TIAM1: variants seen among roughly 807,000 people sequenced by gnomAD.
TIAM1 encodes the protein TIAM Rac1 associated GEF 1, also known as rho guanine nucleotide exchange factor TIAM1.
TIAM1 carries 65 observed loss-of-function variants against 163.5 expected under a neutral mutation model. That is an observed-to-expected ratio of 0.40 (90% CI 0.33 to 0.49). The LOEUF (loss-of-function observed/expected upper bound fraction) is 0.49, where lower values mean the gene tolerates loss of function less well. TIAM1 is among the 20% of genes least tolerant of loss of function. The pLI, the probability that TIAM1 is intolerant of heterozygous loss-of-function variation, is 0.77. For missense variants in TIAM1, 1,789 were observed against 2,044.7 expected, an observed-to-expected ratio of 0.87 and a Z score of 2.41; for synonymous variants, 833 against 810.1, an observed-to-expected ratio of 1.03 and a Z score of -0.48.
intron 2 of TIAM1, among the ~76,000 whole-genome samples, chr21:31,335,348 A>G (rs1405229191): frequency 1.3e-5 from 2 of 152,182 alleles, no homozygotes; most frequent in Non-Finnish European, 2.9e-5. Context: ...TTCAGACAAT[A>G]ATGACTTCAA....
chr21:31,426,517 A>G (rs555252553), intron 2 of TIAM1, among the ~76,000 whole-genome samples: 23 of 152,304 alleles, frequency 1.5e-4, no homozygotes, highest in African/African-American at 5.3e-4. Context: ...AAAGAAACCA[A>G]CTGTGGTCTG....
At chr21:31,248,246 T>C (rs1222651705) in intron 5 of TIAM1, among the ~76,000 whole-genome samples, 1 of 152,178 alleles carries the variant, frequency 6.6e-6, no homozygotes, top group African/African-American at 2.4e-5. Context: ...CTGTGGATAA[T>C]GAATTAGGGG....
intron 1 of TIAM1, among the ~76,000 whole-genome samples, chr21:31,542,721 C>T (rs1056435091): frequency 6.6e-6 from 1 of 152,176 alleles, no homozygotes; most frequent in South Asian, 2.1e-4. Flanking sequence ...AATCCCAGCA[C>T]TTTGGGAGAC....
At chr21:31,260,828 T>C (rs543612017) in intron 4 of TIAM1, among the ~76,000 whole-genome samples, 70 of 152,232 alleles carry the variant, frequency 4.6e-4, no homozygotes, top group African/African-American at 1.6e-3. Context: ...AAGAAGCCTC[T>C]AGATGGACTT....
At chr21:31,417,290 G>C (rs1433407811) in intron 2 of TIAM1, among the ~76,000 whole-genome samples, 3 of 152,160 alleles carry the variant, frequency 2.0e-5, no homozygotes, top group Admixed American at 2.0e-4. Flanking sequence ...CCAAAGTGCT[G>C]GGATTACAGT....
chr21:31,499,452 G>T (rs2046775850), intron 1 of TIAM1, among the ~76,000 whole-genome samples: 1 of 151,946 alleles, frequency 6.6e-6, no homozygotes, highest in Non-Finnish European at 1.5e-5. Flanking sequence ...GGGGCATGAG[G>T]ATCACTTGAG....
chr21:31,282,380 C>G (rs77479430), intron 2 of TIAM1, among the ~76,000 whole-genome samples: 1 of 152,164 alleles, frequency 6.6e-6, no homozygotes, highest in East Asian at 1.9e-4. Flanking sequence ...GTCTTGAAGA[C>G]GCAGGATACT....
At chr21:31,509,086 T>C (rs971194183) in intron 1 of TIAM1, among the ~76,000 whole-genome samples, 2 of 151,730 alleles carry the variant, frequency 1.3e-5, no homozygotes, top group Non-Finnish European at 1.5e-5. Flanking sequence ...TGATTTTCCA[T>C]GAGATCTATG....
At chr21:31,145,933 T>A (rs2083086178) in intron 20 of TIAM1, among the ~76,000 whole-genome samples, 1 of 152,184 alleles carries the variant, frequency 6.6e-6, no homozygotes, top group South Asian at 2.1e-4. Flanking sequence ...CTGCTGTACA[T>A]CGTGTCACTT....
chr21:31,366,044 T>C (rs1056015486), intron 2 of TIAM1, among the ~76,000 whole-genome samples: 21 of 122,474 alleles, frequency 1.7e-4, no homozygotes, highest in African/African-American at 6.5e-4. Context: ...CCGAGGTAGC[T>C]CCACTGCACT....
chr21:31,537,044 G>A (rs759304611), intron 1 of TIAM1, among the ~76,000 whole-genome samples: 13 of 152,334 alleles, frequency 8.5e-5, no homozygotes, highest in South Asian at 2.1e-4. Flanking sequence ...TGGTAGCTCC[G>A]GGCGGCTTCT....
intron 1 of TIAM1, among the ~76,000 whole-genome samples, chr21:31,464,899 C>G (rs1052686195): frequency 6.7e-6 from 1 of 149,214 alleles, no homozygotes; most frequent in African/African-American, 2.5e-5. Flanking sequence ...AATCCCAGCA[C>G]TTTGAGAGGC....
chr21:31,350,644 C>T (rs2076219433), intron 2 of TIAM1, among the ~76,000 whole-genome samples: 1 of 152,192 alleles, frequency 6.6e-6, no homozygotes, highest in Non-Finnish European at 1.5e-5. Context: ...TGGCACGTGA[C>T]ATGTCTGCTC....
chr21:31,501,276 A>G (rs2046839298), intron 1 of TIAM1, among the ~76,000 whole-genome samples: 1 of 152,086 alleles, frequency 6.6e-6, no homozygotes, highest in African/African-American at 2.4e-5. Context: ...GCCCCTTACC[A>G]ATGCTGCTCA....
At chr21:31,252,574 C>T (rs922861955) in intron 4 of TIAM1, among the ~76,000 whole-genome samples, 8 of 152,200 alleles carry the variant, frequency 5.3e-5, no homozygotes, top group Non-Finnish European at 8.8e-5. Context: ...TTATCCTGAA[C>T]TCCAGGAAAT....
At chr21:31,352,874 C>CAAAA (rs35370613) in intron 2 of TIAM1, among the ~76,000 whole-genome samples, 1 of 122,892 alleles carries the variant, frequency 8.1e-6, no homozygotes, top group Non-Finnish European at 1.8e-5. Flanking sequence ...GACTCTGTCT[C>CAAAA]AAAAAAAAAA....
intron 1 of TIAM1, among the ~76,000 whole-genome samples, chr21:31,488,152 G>A (rs2046339739): frequency 6.6e-6 from 1 of 152,246 alleles, no homozygotes; most frequent in South Asian, 2.1e-4. Flanking sequence ...GCATGTGAAA[G>A]AGTAGTCGCT....
intron 4 of TIAM1, 80 bp from the exon 5 acceptor site, chr21:31,252,269 G>T: frequency 6.9e-7 from 1 of 1,451,624 alleles, no homozygotes; most frequent in Non-Finnish European, 9.3e-7. Context: ...AAGAGCCCTG[G>T]GTCCAGCCAG....
intron 2 of TIAM1, among the ~76,000 whole-genome samples, chr21:31,360,137 G>T (rs2076384499): frequency 6.6e-6 from 1 of 152,154 alleles, no homozygotes; most frequent in South Asian, 2.1e-4. Flanking sequence ...CAATTAGGCA[G>T]AGAGCCGACT....
Sources: allele counts gnomAD v4.1 joint callset (sites outside exome capture counted in the v4.1 genomes callset), GRCh38; gene constraint gnomAD v4.1.1; transcripts MANE v1.5; gene names NCBI Gene and HGNC (gene_info 2026-07-23, HGNC 2026-07-21).